DIAPH2: variants seen among roughly 807,000 people sequenced by gnomAD.
The protein encoded by DIAPH2 is diaphanous related formin 2, also known as protein diaphanous homolog 2.
Under a neutral mutation model 92.7 loss-of-function variants are expected in DIAPH2, and 35 were observed. The ratio of observed to expected loss-of-function variants is 0.38; its 90% CI spans 0.29 to 0.50. DIAPH2 has a LOEUF of 0.50. DIAPH2 is among the 20% of genes least tolerant of loss of function. The pLI is 0.94. For missense variants in DIAPH2, 701 were observed against 819.5 expected (o/e 0.86, Z 1.77); for synonymous variants, 301 against 280.4 (o/e 1.07, Z -0.73).
At chrX:97,447,762 A>G (rs1290354454) in intron 26 of DIAPH2, among the ~76,000 whole-genome samples, 2 of 111,858 alleles carry the variant, frequency 1.8e-5, no homozygotes, top group Admixed American at 1.9e-4. Context: ...TTATAGGACT[A>G]CAATGTGGCC....
intron 22 of DIAPH2, among the ~76,000 whole-genome samples, chrX:97,199,046 C>G (rs965390305): frequency 1.0e-4 from 11 of 109,989 alleles, no homozygotes; most frequent in African/African-American, 3.3e-4. Flanking sequence ...GGGGTCAGGG[C>G]AGGCAGTGGA....
chrX:96,962,362 T>TAC (rs2065860758), intron 16 of DIAPH2, among the ~76,000 whole-genome samples: 4 of 71,148 alleles, frequency 5.6e-5, no homozygotes, highest in African/African-American at 2.3e-4. Context: ...CACATATATA[T>TAC]ATACACATAT....
At chrX:96,901,623 C>A (rs1359893276) in intron 5 of DIAPH2, among the ~76,000 whole-genome samples, 4 of 101,434 alleles carry the variant, frequency 3.9e-5, no homozygotes, top group African/African-American at 1.4e-4. Flanking sequence ...CAACCTCCAC[C>A]TCCCAGGTTC....
At chrX:97,250,744 A>G (rs1051102227) in intron 23 of DIAPH2, among the ~76,000 whole-genome samples, 2 of 111,725 alleles carry the variant, frequency 1.8e-5, no homozygotes, top group Non-Finnish European at 3.8e-5. Context: ...CATCTAGTCC[A>G]AGCCCCTGCC....
chrX:97,442,332 T>C (rs2147787576), intron 26 of DIAPH2, among the ~76,000 whole-genome samples: 1 of 112,639 alleles, frequency 8.9e-6, no homozygotes, highest in Admixed American at 9.4e-5. Context: ...ATTTACAAAC[T>C]TGCAATTCAG....
intron 5 of DIAPH2, chrX:96,884,607 G>T: frequency 8.3e-6 from 10 of 1,210,304 alleles, no homozygotes; most frequent in Non-Finnish European, 1.1e-5. Context: ...ATATGACCGC[G>T]AAACCAATCG....
At chrX:97,049,777 T>C (rs2147893127) in intron 17 of DIAPH2, among the ~76,000 whole-genome samples, 1 of 111,482 alleles carries the variant, frequency 9.0e-6, no homozygotes, top group South Asian at 3.7e-4. Context: ...CTTGTATTAC[T>C]TTATAAGTGA....
chrX:97,549,547 A>T (rs1373656360), intron 26 of DIAPH2, among the ~76,000 whole-genome samples: 1 of 111,758 alleles, frequency 8.9e-6, no homozygotes, highest in East Asian at 2.8e-4. Context: ...CTGAATACTT[A>T]AGTGTGTATT....
chrX:96,819,577 A>G (rs892395480), intron 4 of DIAPH2, among the ~76,000 whole-genome samples: 27 of 111,962 alleles, frequency 2.4e-4, no homozygotes, highest in African/African-American at 8.1e-4. Flanking sequence ...TCTAGTATCA[A>G]TGGTTAAGTT....
chrX:97,286,764 G>A (rs1035144261), intron 23 of DIAPH2, among the ~76,000 whole-genome samples: 1 of 111,234 alleles, frequency 9.0e-6, no homozygotes, highest in Non-Finnish European at 1.9e-5. Context: ...ATCGAATCCT[G>A]TCTGTATACC....
chrX:97,223,795 A>G lies in DIAPH2; in HGVS notation c.2720-23920A>G, dbSNP rs753265998. 2.7e-5 allele frequency among the ~76,000 whole-genome samples: 3 copies of G among 112,116 alleles called. No homozygotes were observed. The South Asian group carries it at 1.1e-3, about 41-fold the overall frequency. ...GTTAGTTGTTTTGGGGTCAACTATG[A>G]ATGAATAGAAGAATCTTTGTATTAG... On this transcript the variant is annotated intron_variant, in intron 22 of 26. Transcript: ENST00000324765.
intron 26 of DIAPH2, among the ~76,000 whole-genome samples, chrX:97,578,370 T>A (rs2071413164): frequency 9.4e-6 from 1 of 106,246 alleles, no homozygotes; most frequent in South Asian, 4.5e-4. Context: ...CCTTCCTGTG[T>A]CCATGTCATC....
intron 20 of DIAPH2, among the ~76,000 whole-genome samples, chrX:97,103,320 A>T (rs2066918137): frequency 9.0e-6 from 1 of 111,577 alleles, no homozygotes; most frequent in Admixed American, 9.5e-5. Flanking sequence ...TGGATGGATG[A>T]ATAAAAATCC....
intron 26 of DIAPH2, among the ~76,000 whole-genome samples, chrX:97,543,630 G>A (rs1297001892): frequency 9.1e-6 from 1 of 110,061 alleles, no homozygotes; most frequent in Non-Finnish European, 1.9e-5. Context: ...TCAGCCTCTC[G>A]AATAGCTGGG....
chrX:96,762,777 A>G (rs2064276985), intron 4 of DIAPH2, among the ~76,000 whole-genome samples: 3 of 110,896 alleles, frequency 2.7e-5, no homozygotes, highest in Non-Finnish European at 5.7e-5. Context: ...GCCTGATTAC[A>G]CTTAACATTG....
At chrX:97,107,611 A>G (rs990170231) in intron 20 of DIAPH2, among the ~76,000 whole-genome samples, 1 of 111,648 alleles carries the variant, frequency 9.0e-6, no homozygotes, top group African/African-American at 3.3e-5. Flanking sequence ...ACTCAATCTC[A>G]TTTCTGTAGG....
chrX:96,849,883 A>G (rs768405603), intron 4 of DIAPH2, among the ~76,000 whole-genome samples: 27 of 112,172 alleles, frequency 2.4e-4, no homozygotes, highest in African/African-American at 8.7e-4. Context: ...ATTGCTTAAT[A>G]GTTCAGTAAA....
At chrX:97,121,851 A>G (rs1178937603) in intron 21 of DIAPH2, among the ~76,000 whole-genome samples, 1 of 112,154 alleles carries the variant, frequency 8.9e-6, no homozygotes, top group African/African-American at 3.2e-5. Flanking sequence ...AATCCTGGTC[A>G]ACAGTCCATG....
At chrX:97,038,791 T>G (rs1287023400) in intron 17 of DIAPH2, among the ~76,000 whole-genome samples, 3 of 111,453 alleles carry the variant, frequency 2.7e-5, no homozygotes, top group African/African-American at 9.8e-5. Flanking sequence ...ATTTGCCCAC[T>G]TTTCAATAGG....
Sources: allele counts gnomAD v4.1 joint callset (sites outside exome capture counted in the v4.1 genomes callset), GRCh38; gene constraint gnomAD v4.1.1; transcripts MANE v1.5; gene names NCBI Gene and HGNC (gene_info 2026-07-23, HGNC 2026-07-21).